The following WRN variants were observed in gnomAD, a reference collection of about 807,000 sequenced individuals.
WRN encodes WRN RecQ like helicase, also known as bifunctional 3'-5' exonuclease/ATP-dependent helicase WRN.
Under a neutral mutation model 180.7 loss-of-function variants are expected in WRN, and 149 were observed. The observed-to-expected ratio is 0.82, with a 90% CI of 0.72 to 0.94. WRN has a LOEUF of 0.94. Among genes scored for constraint, WRN ranks in the 40% least tolerant of loss-of-function variants. WRN has a pLI of 0.00. For missense variants in WRN, 1,661 were observed against 1,700.1 expected (o/e 0.98, Z 0.40); for synonymous variants, 548 against 568.9 (o/e 0.96, Z 0.52).
At chr8:31,119,226 T>G (rs935773440) in intron 20 of WRN, among the ~76,000 whole-genome samples, 1 of 151,866 alleles carries the variant, frequency 6.6e-6, no homozygotes, top group African/African-American at 2.4e-5. Flanking sequence ...TGGTCCATCT[T>G]AGCATGTAAT....
rs587778753 is a variant in WRN at position 31,065,002 on chromosome 8, T to A, written c.443T>A (p.Leu148Gln). The A allele has an allele frequency of 2.5e-6, 4 of 1,613,734 alleles. No individual in the cohort carries two copies. The African/African-American group carries it at 4.0e-5, about 16-fold the overall frequency. Residue 148 changes from leucine to glutamine, a missense_variant, in exon 5 of 35, where the codon CTA (leucine) becomes CAA (glutamine). Coordinates refer to ENST00000298139, the MANE Select transcript of WRN (RefSeq NM_000553.6). ...ATTGAAGGAGATCAGTGGAAACTTC[T>A]ACGTGACTTTGATATCAAATTGAAG... ...VGIEGDQWKLLRDFDIKLKNF... is the reference protein window; with the variant it reads ...VGIEGDQWKLQRDFDIKLKNF...
chr8:31,140,253 C>T (rs888780239), intron 24 of WRN, among the ~76,000 whole-genome samples: 22 of 151,794 alleles, frequency 1.4e-4, no homozygotes, highest in Non-Finnish European at 2.5e-4. Flanking sequence ...AGGATGGTCT[C>T]GAACTCCTGG....
chr8:31,146,594 G>A (rs967668957), intron 28 of WRN, among the ~76,000 whole-genome samples: 1 of 151,904 alleles, frequency 6.6e-6, no homozygotes, highest in African/African-American at 2.4e-5. Flanking sequence ...AATGCTTCTT[G>A]TTCTCTTCTT....
chr8:31,102,701 CTGAG>C (rs1173052161), intron 18 of WRN, among the ~76,000 whole-genome samples: 2 of 152,222 alleles, frequency 1.3e-5, no homozygotes, highest in Middle Eastern at 3.4e-3. Context: ...GGAAGTTGCT[CTGAG>C]TGAGTGAGGG....
intron 32 of WRN, among the ~76,000 whole-genome samples, chr8:31,156,622 T>A (rs1029816206): frequency 2.6e-5 from 4 of 152,224 alleles, no homozygotes; most frequent in Admixed American, 2.0e-4. Context: ...ACAGTCTAAA[T>A]TCAGACTTTG....
At chr8:31,068,814 T>C (rs968237733) in intron 7 of WRN, among the ~76,000 whole-genome samples, 5 of 152,248 alleles carry the variant, frequency 3.3e-5, no homozygotes, top group Non-Finnish European at 7.3e-5. Flanking sequence ...TTTACATTTC[T>C]AATTTTCTTC....
At chr8:31,138,099 C>T (rs1341938454) in intron 24 of WRN, among the ~76,000 whole-genome samples, 3 of 151,144 alleles carry the variant, frequency 2.0e-5, no homozygotes, top group Non-Finnish European at 4.4e-5. Context: ...GAGACCCTGT[C>T]TCCAAAAAAA....
chr8:31,090,255 A>G (rs1270696520), intron 13 of WRN, among the ~76,000 whole-genome samples: 1 of 151,028 alleles, frequency 6.6e-6, no homozygotes, highest in Non-Finnish European at 1.5e-5. Context: ...AGTGAAATTT[A>G]ATATATATAC....
chr8:31,074,424 CTTA>C (rs1307109936), intron 7 of WRN, among the ~76,000 whole-genome samples: 7 of 152,010 alleles, frequency 4.6e-5, no homozygotes, highest in South Asian at 2.1e-4. Flanking sequence ...ACGTAATTCT[CTTA>C]TTATTTCATT....
In WRN at chr8:31,175,330, G is replaced by A. The variant is rs1269812100; in HGVS notation, c.*2228G>A. ...CGTGCCTATAATCCCAGCTACTCGG[G>A]AGGCTGAGGCAGGAGAATCGCTTGA... On this transcript the variant is annotated 3_prime_UTR_variant, in exon 35 of 35. Coordinates refer to ENST00000298139, the MANE Select transcript of WRN (RefSeq NM_000553.6). Among the ~76,000 whole-genome samples the A allele has an allele frequency of 6.6e-6, 1 of 152,144 alleles. No homozygotes were observed. Among genetic ancestry groups the A allele is most frequent in the African/African-American group, 2.4e-5 (1 of 41,428 alleles).
intron 24 of WRN, among the ~76,000 whole-genome samples, chr8:31,139,358 T>G (rs952700052): frequency 2.0e-5 from 3 of 152,320 alleles, no homozygotes; most frequent in South Asian, 4.1e-4. Context: ...TTATACTGCA[T>G]TTTTATATAG....
At chr8:31,149,455 GTTTTTTT>G (rs71208105) in intron 30 of WRN, among the ~76,000 whole-genome samples, 18 of 51,958 alleles carry the variant, frequency 3.5e-4, no homozygotes, top group Admixed American at 7.0e-4. Context: ...TAATAGAGGT[GTTTTTTT>G]TTTTTTTTTT....
At chr8:31,093,909 C>T (rs1485947835) in intron 16 of WRN, among the ~76,000 whole-genome samples, 1 of 152,112 alleles carries the variant, frequency 6.6e-6, no homozygotes, top group Non-Finnish European at 1.5e-5. Context: ...TTTTGAGATT[C>T]ATTCATGTTA....
intron 9 of WRN, 118 bp from the exon 10 acceptor site, chr8:31,083,581 A>T: frequency 1.6e-6 from 1 of 631,722 alleles, no homozygotes; most frequent in East Asian, 3.0e-5. Flanking sequence ...TATATTATAT[A>T]TCCATTAGGG....
intron 15 of WRN, 122 bp downstream of exon 15, chr8:31,091,064 A>C (rs1662456633): frequency 5.0e-6 from 4 of 795,612 alleles, no homozygotes; most frequent in Admixed American, 1.9e-5. Context: ...GTATTGCTTT[A>C]TCTTTATTGG....
At chr8:31,104,796 C>T (rs762044940) in intron 18 of WRN, among the ~76,000 whole-genome samples, 74 of 152,280 alleles carry the variant, frequency 4.9e-4, no homozygotes, top group South Asian at 2.1e-3. Context: ...TGTTGAAAGT[C>T]ATGTGGGTGT....
chr8:31,080,880 C>T lies in WRN; in HGVS notation c.853C>T (p.Leu285=), dbSNP rs1270142460. The T allele has an allele frequency of 3.7e-6, 6 of 1,606,124 alleles. No individual in the cohort carries two copies. Among genetic ancestry groups the T allele is most frequent in the Non-Finnish European group, 5.1e-6 (6 of 1,177,450 alleles). The part of the protein sequence containing the change: ...LENPRRVSIL[L]KDISENLYSL... The stretch of plus-strand genomic sequence containing the variant: ...TTTTTTTTTTAGGGTTTCTATCTTA[C>T]TAAAGGATATTTCAGAAAATCTATA... The change falls in exon 9 of 35, where the codon CTA becomes TTA. Residue 285 remains leucine (L), a synonymous_variant. Transcript: ENST00000298139.
intron 1 of WRN, among the ~76,000 whole-genome samples, chr8:31,041,224 C>T (rs1323752098): frequency 6.6e-6 from 1 of 152,126 alleles, no homozygotes; most frequent in African/African-American, 2.4e-5. Context: ...GTTGTGAAGG[C>T]CTGAGAACCA....
rs1554527801 is a variant in WRN, at chr8:31,116,515, G to T, written c.2435G>T (p.Arg812Ile). The T allele has an allele frequency of 1.2e-6, 2 of 1,613,886 alleles. No homozygotes were observed. The highest frequency in any genetic ancestry group is 8.5e-7 in the Non-Finnish European group (1 of 1,179,872). Residue 812 changes from arginine (R) to isoleucine (I), a missense_variant, in exon 20 of 35, where the codon AGA becomes ATA. This residue lies in a region of WRN where 1,141 missense variants were observed against 1,149.4 expected (regional missense o/e 0.99). Transcript: ENST00000298139. ...AAAGACATTCATCATAGGTTTGTAA[G>T]AGATGAAATTCAGGTATGAGGATCA... ...TRKDIHHRFV[R>I]DEIQCVIATI...
Sources: allele counts gnomAD v4.1 joint callset (sites outside exome capture counted in the v4.1 genomes callset), GRCh38; gene constraint gnomAD v4.1.1; regional missense constraint gnomAD v4.1.1; transcripts MANE v1.5; gene names NCBI Gene and HGNC (gene_info 2026-07-23, HGNC 2026-07-21).